Variants in FAT2 observed in about 807,000 individuals in gnomAD.
The protein encoded by FAT2 is protocadherin Fat 2.
A neutral mutation model predicts 295.3 loss-of-function variants in FAT2; 150 were observed. That is an observed-to-expected ratio of 0.51 (90% CI 0.44 to 0.58). FAT2 has a LOEUF of 0.58. Among genes scored for constraint, FAT2 ranks in the 20% least tolerant of loss-of-function variants. The pLI is 0.00. For synonymous variants in FAT2, 2,026 were observed against 2,150.3 expected (o/e 0.94, Z 1.60); for missense variants, 4,868 against 5,442.7 (o/e 0.89, Z 3.32).
chr5:151,524,291 C>T (rs1753776625), intron 18 of FAT2, among the ~76,000 whole-genome samples: 1 of 152,218 alleles, frequency 6.6e-6, no homozygotes, highest in East Asian at 1.9e-4. Flanking sequence ...TGTAAATCAG[C>T]TACTACCAAG....
intron 10 of FAT2, among the ~76,000 whole-genome samples, chr5:151,541,749 G>A (rs1008638592): frequency 6.6e-6 from 1 of 152,236 alleles, no homozygotes; most frequent in African/African-American, 2.4e-5. Flanking sequence ...AAGCACAAGA[G>A]TGTGACCTTG....
chr5:151,550,919 C>T (rs749659085), intron 7 of FAT2, 48 bp from the exon 8 acceptor site: 28 of 1,583,166 alleles, frequency 1.8e-5, no homozygotes, highest in Non-Finnish European at 2.4e-5. Flanking sequence ...CCCAGGGGAA[C>T]AGGGACTGGG....
rs538399691 is a variant in FAT2 at position 151,557,363 on chromosome 5, T to C, written c.3575-961A>G. Among the ~76,000 whole-genome samples the C allele has an allele frequency of 2.0e-5, 3 of 152,198 alleles. No homozygotes were observed. The South Asian group carries it at 6.2e-4, about 32-fold the overall frequency. On this transcript the variant is annotated intron_variant, in intron 3 of 23. Transcript: ENST00000261800. ...GAGGCTGACCCGCCTGGGGAGAAGT[T>C]TATAGCCCAAGGATAGCCAGTCAGC...
chr5:151,505,877 C>T lies in FAT2; in HGVS notation c.12738G>A (p.Gln4246=), dbSNP rs1349246342. The change falls in exon 24 of 24, where the codon CAG becomes CAA. Residue 4246 remains glutamine, a synonymous_variant. Coordinates refer to ENST00000261800, the MANE Select transcript of FAT2 (RefSeq NM_001447.3). The stretch of plus-strand genomic sequence containing the variant: ...GAGAGGGCATCAGATCTTCCAGGTT[C>T]TGGTTGCTGTAACGGGGTGGGAGAG... ...RAPLPPRYSN[Q]NLEDLMPSRP... 1.9e-6 allele frequency: 3 copies of T among 1,605,888 alleles called. No homozygotes were observed. In the African/African-American group the frequency reaches 4.0e-5, roughly 22 times the overall value.
intron 18 of FAT2, among the ~76,000 whole-genome samples, chr5:151,523,591 G>A (rs1368719471): frequency 2.6e-5 from 4 of 152,182 alleles, no homozygotes; most frequent in Non-Finnish European, 5.9e-5. Flanking sequence ...GCAATTGATG[G>A]TGATGATGCC....
At position 151,504,153 on chromosome 5, in the gene FAT2, TCACTCA is replaced by T. The variant is rs1024862531; in HGVS notation, c.*1406_*1411del. 1 of 152,588 alleles carries T rather than the reference TCACTCA, an allele frequency of 6.6e-6. No homozygotes were observed. The highest frequency in any genetic ancestry group is 2.4e-5 in the African/African-American group (1 of 41,414). The allele number at this position is 152,588 out of a possible 1,614,324, so 9.5% of individuals were successfully genotyped here. On this transcript the variant is annotated 3_prime_UTR_variant, in exon 24 of 24. Transcript: ENST00000261800. ...AATGACCAATGAAACTATGTATCTG[TCACTCA>T]CACTCACAGTCACACACACAGCCAC...
Position 151,537,833 on chromosome 5 carries a change from A to T in FAT2, c.9153T>A (p.His3051Gln). The T allele has an allele frequency of 6.2e-7, 1 of 1,614,176 alleles. No homozygotes were observed. The change falls in exon 12 of 24, where the codon CAT becomes CAA. Residue 3051 changes from histidine (H) to glutamine (Q), a missense_variant. By Grantham distance (24) the His-to-Gln change is conservative. Coordinates refer to ENST00000261800, the MANE Select transcript of FAT2 (RefSeq NM_001447.3). Reference sequence around the variant, plus strand: ...GCTTGAATTCATGCGCCCCAGGGCCATGCAGAGAATATGTGATCTGAGCAT... The same window carrying T: ...GCTTGAATTCATGCGCCCCAGGGCCTTGCAGAGAATATGTGATCTGAGCAT... Reference protein sequence around the residue: ...DTNAQITYSLHGPGAHEFKLD... With the variant: ...DTNAQITYSLQGPGAHEFKLD...
Position 151,512,182 on chromosome 5 carries a change from G to A in FAT2, c.11888C>T (p.Ser3963Leu). 1.9e-6 allele frequency: 3 copies of A among 1,613,598 alleles called. No homozygotes were observed. Among genetic ancestry groups the A allele is most frequent in the South Asian group, 1.1e-5 (1 of 91,062 alleles). ...GCCCTCACCTGCCCCATGGGTCCATGAGCACTTCCCACCATTGAGGCATGT... is the reference window on the plus strand; with the variant it reads ...GCCCTCACCTGCCCCATGGGTCCATAAGCACTTCCCACCATTGAGGCATGT... ...QNTCLNGGKCSWTHGAGYVCK... is the reference protein window; with the variant it reads ...QNTCLNGGKCLWTHGAGYVCK... Residue 3963 changes from serine to leucine, a missense_variant, in exon 21 of 24, where the codon TCA (serine) becomes TTA (leucine). Around this residue, in one of 5 missense-constraint regions of FAT2, gnomAD observed 24 missense variants for 53.3 expected, o/e 0.45. Transcript: ENST00000261800. This position sits in a 1 kb window ranked among gnomAD's most constrained non-coding sequence, Gnocchi z 4.1.
Position 151,550,506 on chromosome 5 carries a change from G to A in FAT2, c.4578+84C>T. The A allele has an allele frequency of 5.5e-6, 8 of 1,454,612 alleles. No individual in the cohort carries two copies. The South Asian group carries it at 8.8e-5, about 16-fold the overall frequency. The allele number at this position is 1,454,612 out of a possible 1,614,324, so 90.1% of individuals were successfully genotyped here. On this transcript the variant is annotated intron_variant, in intron 8 of 23. Coordinates refer to ENST00000261800, the MANE Select transcript of FAT2 (RefSeq NM_001447.3). ...TGCATGGTCCTTATGAGGGGAAGGG[G>A]GACCTTCAGCATGTCTCCAAGCATG...
rs140427755 is a variant in FAT2, at chr5:151,512,278, G to A, written c.11792C>T (p.Thr3931Met). 48 of 1,614,118 alleles carry A rather than the reference G, an allele frequency of 3.0e-5. No homozygotes were observed. The highest frequency in any genetic ancestry group is 1.3e-4 in the African/African-American group (10 of 74,932). ...TTGTGTCTCCAGCAAGCCTGCCACCGTCTTGCCAGGGGCCAGCAGATCTAG... is the reference window on the plus strand; with the variant it reads ...TTGTGTCTCCAGCAAGCCTGCCACCATCTTGCCAGGGGCCAGCAGATCTAG... ...EALDLLAPGKTVAGLLETQAL... is the reference protein window; with the variant it reads ...EALDLLAPGKMVAGLLETQAL... Residue 3931 changes from threonine to methionine, a missense_variant, in exon 21 of 24, where the codon ACG becomes ATG. Coordinates refer to ENST00000261800, the MANE Select transcript of FAT2 (RefSeq NM_001447.3). The surrounding 1 kb of genome is among the most constrained non-coding windows in gnomAD (Gnocchi z 4.1).
chr5:151,559,896 G>A (rs1757947270), intron 3 of FAT2, among the ~76,000 whole-genome samples: 1 of 152,166 alleles, frequency 6.6e-6, no homozygotes, highest in Admixed American at 6.5e-5. Context: ...CCATAGGGCT[G>A]TGTGCATGTT....
At chr5:151,538,849 T>C (rs1755789193) in intron 11 of FAT2, among the ~76,000 whole-genome samples, 1 of 151,676 alleles carries the variant, frequency 6.6e-6, no homozygotes, top group African/African-American at 2.4e-5. Context: ...GCTAATTTTT[T>C]TTTTTTTTGT....
At chr5:151,514,722 T>C (rs189339383) in intron 20 of FAT2, among the ~76,000 whole-genome samples, 1 of 152,286 alleles carries the variant, frequency 6.6e-6, no homozygotes, top group Admixed American at 6.5e-5. Context: ...GCTGATCATC[T>C]CACATCCTAC....
rs201628760 is a variant in FAT2 at position 151,565,876 on chromosome 5, A to C, written c.3056T>G (p.Ile1019Ser). ...GAGATTCTCATTCACATCCAGGACG[A>C]TCACCTCCACATGGCAGAGAGTCCT... is the stretch of plus-strand genomic sequence containing the variant. ...ARRTLCHVEV[I>S]VLDVNENLHP... The change falls in exon 2 of 24, where the codon ATC (isoleucine) becomes AGC (serine). Residue 1019 changes from isoleucine to serine, a missense_variant. Coordinates refer to ENST00000261800, the MANE Select transcript of FAT2 (RefSeq NM_001447.3). 82 of 1,613,912 alleles carry C rather than the reference A, an allele frequency of 5.1e-5. No homozygotes were observed. In the African/African-American group the frequency reaches 8.5e-4, roughly 17 times the overall value.
Position 151,504,395 on chromosome 5 carries a change from G to T in FAT2, c.*1170C>A, listed in dbSNP as rs1760687906. 6.5e-6 allele frequency: 1 copy of T among 152,714 alleles called. No homozygotes were observed. The highest frequency in any genetic ancestry group is 1.5e-5 in the Non-Finnish European group (1 of 68,070). The allele number at this position is 152,714 out of a possible 1,614,324, so 9.5% of individuals were successfully genotyped here. A position where few individuals can be genotyped will look rare whatever the true frequency, so the allele number is the denominator to read the frequency against. Reference sequence around the variant, plus strand: ...AGGCTTCTGGTCCCCACCACTCCTGGCTACATACACTCTACACATGTGTAC... The same window carrying T: ...AGGCTTCTGGTCCCCACCACTCCTGTCTACATACACTCTACACATGTGTAC... On this transcript the variant is annotated 3_prime_UTR_variant, in exon 24 of 24. Transcript: ENST00000261800.
chr5:151,568,724 T>A lies in FAT2; in HGVS notation c.208A>T (p.Arg70Trp), dbSNP rs779353820. 6.2e-7 allele frequency: 1 copy of A among 1,614,156 alleles called. No individual in the cohort carries two copies. The highest frequency in any genetic ancestry group is 1.6e-4 in the Middle Eastern group (1 of 6,062). Residue 70 changes from arginine to tryptophan, a missense_variant, in exon 2 of 24, where the codon AGG becomes TGG. Physicochemically the swap from Arg to Trp is moderately radical, Grantham distance 101. This residue lies in a region of FAT2 where 3,297 missense variants were observed against 3,669.4 expected (regional missense o/e 0.90). Transcript: ENST00000261800. ...IYLAEPQWAV[R>W]YRIISGDVAN... ...ACATCCCCAGAGATGATCCGGTACC[T>A]CACTGCCCACTGTGGCTCCGCGAGG...
In FAT2 at chr5:151,550,799, C is replaced by T. The variant is rs61743236; in HGVS notation, c.4369G>A (p.Val1457Ile). The change falls in exon 8 of 24, where the codon GTT (valine) becomes ATT (isoleucine). Residue 1457 changes from valine (V) to isoleucine (I), a missense_variant. Val to Ile is a conservative substitution (Grantham distance 29). Around this residue, in one of 5 missense-constraint regions of FAT2, gnomAD observed 3,297 missense variants for 3,669.4 expected, o/e 0.90. Coordinates refer to ENST00000261800, the MANE Select transcript of FAT2 (RefSeq NM_001447.3). ...QFLETRYEVR[V>I]PQDTVPGVEL... is the part of the protein sequence containing the mutation. ...ACCCCTGGCACGGTGTCCTGGGGAA[C>T]TCTGACTTCATAACGAGTTTCCAGA... 1.6e-3 allele frequency: 2,590 copies of T among 1,613,964 alleles called. 29 individuals are homozygous for T. In the African/African-American group the frequency reaches 0.03, roughly 19 times the overall value.
chr5:151,584,397 A>G (rs1280344229), intron 1 of FAT2, among the ~76,000 whole-genome samples: 1 of 152,116 alleles, frequency 6.6e-6, no homozygotes. Context: ...TCTTGGAGCA[A>G]TATTCTGGTC....
In FAT2 at chr5:151,545,435, C is replaced by T. The variant is rs1756527302; in HGVS notation, c.5692G>A (p.Asp1898Asn). ...GMELLMVRASDEDSEVNYSIK... is the reference protein window; with the variant it reads ...GMELLMVRASNEDSEVNYSIK... ...CTATAATTGACTTCTGAGTCTTCAT[C>T]GCTGGCCCGCACCATGAGAAGCTCC... is the stretch of plus-strand genomic sequence containing the variant. The change falls in exon 10 of 24, where the codon GAT (aspartate) becomes AAT (asparagine). Residue 1898 changes from aspartate (D) to asparagine (N), a missense_variant. Coordinates refer to ENST00000261800, the MANE Select transcript of FAT2 (RefSeq NM_001447.3). 3 of 1,614,144 alleles carry T rather than the reference C, an allele frequency of 1.9e-6. No individual in the cohort carries two copies. The highest frequency in any genetic ancestry group is 2.5e-6 in the Non-Finnish European group (3 of 1,180,030).
Sources: allele counts gnomAD v4.1 joint callset (sites outside exome capture counted in the v4.1 genomes callset), GRCh38; gene constraint gnomAD v4.1.1; regional missense constraint gnomAD v4.1.1; non-coding constraint Gnocchi (gnomAD v3.1); transcripts MANE v1.5; gene names NCBI Gene and HGNC (gene_info 2026-07-23, HGNC 2026-07-21).